Variants in ATG2B observed in about 807,000 individuals in gnomAD.
ATG2B encodes autophagy related 2B.
A neutral mutation model predicts 241.3 loss-of-function variants in ATG2B; 121 were observed. The ratio of observed to expected loss-of-function variants is 0.50; its 90% CI spans 0.43 to 0.58. The LOEUF (loss-of-function observed/expected upper bound fraction) is 0.58, where lower values mean the gene tolerates loss of function less well. Ranked by LOEUF, ATG2B falls within the 20% of genes least tolerant of loss-of-function variation. The pLI is 0.00. For missense variants in ATG2B, 2,306 were observed against 2,491.6 expected (o/e 0.93, Z 1.59); for synonymous variants, 858 against 876.6 (o/e 0.98, Z 0.37).
At chr14:96,292,829 T>A (rs573479456) in intron 36 of ATG2B, among the ~76,000 whole-genome samples, 37 of 152,346 alleles carry the variant, frequency 2.4e-4, no homozygotes, top group Non-Finnish European at 4.3e-4. Context: ...TTCCAGGGCC[T>A]TTATGGATAC....
chr14:96,314,862 A>G (rs1460072132), intron 23 of ATG2B, among the ~76,000 whole-genome samples: 1 of 152,130 alleles, frequency 6.6e-6, no homozygotes, highest in Non-Finnish European at 1.5e-5. Flanking sequence ...CACCACGCCC[A>G]GCTAATTTTT....
chr14:96,345,586 A>T (rs966137098), intron 2 of ATG2B, among the ~76,000 whole-genome samples: 1 of 152,202 alleles, frequency 6.6e-6, no homozygotes, highest in African/African-American at 2.4e-5. Flanking sequence ...GGAAAAAAAG[A>T]TCACAGAAAA....
Position 96,317,154 on chromosome 14 carries a change from T to G in ATG2B, c.3201A>C (p.Thr1067=). ...NINHGLIAVF[T]DVKQDNGDLL... is the part of the protein sequence containing the mutation. The stretch of plus-strand genomic sequence containing the variant: ...GATTTGTAAACCTCACCTTCACATC[T>G]GTGAACACTGCTATTAATCCATGAT... The change falls in exon 20 of 42, where the codon ACA becomes ACC. Residue 1067 remains threonine, a synonymous_variant. Coordinates refer to ENST00000359933, the MANE Select transcript of ATG2B (RefSeq NM_018036.7). 1 of 1,610,580 alleles carries G rather than the reference T, an allele frequency of 6.2e-7. No homozygotes were observed. Among genetic ancestry groups the G allele is most frequent in the Non-Finnish European group, 8.5e-7 (1 of 1,178,508 alleles).
At chr14:96,342,274 A>C (rs1888057167) in intron 5 of ATG2B, among the ~76,000 whole-genome samples, 2 of 152,162 alleles carry the variant, frequency 1.3e-5, no homozygotes, top group Admixed American at 1.3e-4. Context: ...CCAAAATCCA[A>C]AACTTTTTTG....
At chr14:96,358,098 T>C (rs1305311835) in intron 1 of ATG2B, among the ~76,000 whole-genome samples, 1 of 152,182 alleles carries the variant, frequency 6.6e-6, no homozygotes, top group Non-Finnish European at 1.5e-5. Flanking sequence ...TGAAATAAAG[T>C]TAAACCTCTA....
rs548632843 is a variant in ATG2B, at chr14:96,334,097, T to C, written c.1022-224A>G. On this transcript the variant is annotated intron_variant, in intron 7 of 41. Transcript: ENST00000359933. ...AGAAGCCATTGAAAATATTTTAAAA[T>C]GTGTACCACTTACTGTGTTCAAGAA... Among the ~76,000 whole-genome samples, 45 of 152,286 alleles carry C rather than the reference T, an allele frequency of 3.0e-4. No homozygotes were observed. The South Asian group carries it at 8.9e-3, about 30-fold the overall frequency.
intron 1 of ATG2B, among the ~76,000 whole-genome samples, chr14:96,348,855 T>G (rs932118532): frequency 1.3e-5 from 2 of 152,194 alleles, no homozygotes; most frequent in Admixed American, 6.5e-5. Context: ...ATTGTATGCC[T>G]GTGTCAAATA....
chr14:96,301,911 A>T lies in ATG2B; in HGVS notation c.5139+96T>A, dbSNP rs796900592. On this transcript the variant is annotated intron_variant, in intron 34 of 41. Transcript: ENST00000359933. ...AGTTTGCTTTATATATGTAACCGCC[A>T]TAAAAGTTCAATAATGATAAACATT... 6.1e-6 allele frequency: 6 copies of T among 986,170 alleles called. No homozygotes were observed. The African/African-American group carries it at 9.8e-5, about 16-fold the overall frequency. The allele number at this position is 986,170 out of a possible 1,614,324, so 61.1% of individuals were successfully genotyped here. A position where few individuals can be genotyped will look rare whatever the true frequency, so the allele number is the denominator to read the frequency against.
chr14:96,311,106 G>T lies in ATG2B; in HGVS notation c.4161+11C>A. The T allele has an allele frequency of 1.9e-6, 3 of 1,599,038 alleles. No homozygotes were observed. Among genetic ancestry groups the T allele is most frequent in the Non-Finnish European group, 2.6e-6 (3 of 1,171,232 alleles). On this transcript the variant is annotated intron_variant, in intron 28 of 41. Transcript: ENST00000359933. Reference sequence around the variant, plus strand: ...TGGCAGGGACTGGAGGAATCACATTGCTGACTGTACCTTAGACCTTCTTTG... The same window carrying T: ...TGGCAGGGACTGGAGGAATCACATTTCTGACTGTACCTTAGACCTTCTTTG...
At chr14:96,325,107 G>A (rs1314058316) in intron 15 of ATG2B, among the ~76,000 whole-genome samples, 1 of 152,196 alleles carries the variant, frequency 6.6e-6, no homozygotes, top group Non-Finnish European at 1.5e-5. Context: ...ATTAGTTAGT[G>A]TAATGGTTGA....
intron 1 of ATG2B, among the ~76,000 whole-genome samples, chr14:96,349,799 GCTGGAGCTTC>G (rs1172218727): frequency 6.6e-6 from 1 of 152,170 alleles, no homozygotes; most frequent in Non-Finnish European, 1.5e-5. Context: ...TAAGGAGGAA[GCTGGAGCTTC>G]CTCCAGCTAG....
intron 41 of ATG2B, 81 bp from the exon 42 acceptor site, chr14:96,286,066 C>T (rs1886329011): frequency 4.7e-6 from 5 of 1,071,664 alleles, no homozygotes; most frequent in Admixed American, 2.2e-5. Context: ...TCCTGCAGTA[C>T]ACACTTTTAA....
chr14:96,320,557 T>C lies in ATG2B; in HGVS notation c.2879+1555A>G, dbSNP rs759577904. ...AGGAAAGGGGGAAAAAAAGACAACA[T>C]AGAATTCCAATCAGTGGCTCATATT... On this transcript the variant is annotated intron_variant, in intron 18 of 41. Transcript: ENST00000359933. Among the ~76,000 whole-genome samples the C allele has an allele frequency of 3.4e-4, 51 of 151,900 alleles. 1 individual carries two copies. Among genetic ancestry groups the C allele is most frequent in the East Asian group, 1.9e-4 (1 of 5,190 alleles).
Position 96,317,315 on chromosome 14 carries a change from C to T in ATG2B, c.3040G>A (p.Glu1014Lys). 1.9e-6 allele frequency: 3 copies of T among 1,606,660 alleles called. No individual in the cohort carries two copies. Among genetic ancestry groups the T allele is most frequent in the East Asian group, 2.2e-5 (1 of 44,762 alleles). The stretch of plus-strand genomic sequence containing the variant: ...GTCTCCTCCTCAGATCCACTTTCCT[C>T]ATCTATGAGAAATAAACATACAATT... ...SAFKSAVHYD[E>K]ESGSEEETLQ... The change falls in exon 20 of 42, where the codon GAG becomes AAG. Residue 1014 changes from glutamate (E) to lysine (K), a missense_variant and splice_region_variant. By Grantham distance (56) the Glu-to-Lys change is moderately conservative. Transcript: ENST00000359933.
chr14:96,325,880 G>A lies in ATG2B; in HGVS notation c.2206C>T (p.Pro736Ser). The change falls in exon 15 of 42, where the codon CCT becomes TCT. Residue 736 changes from proline to serine, a missense_variant. Around this residue, in one of 2 missense-constraint regions of ATG2B, gnomAD observed 1,927 missense variants for 2,011.2 expected, o/e 0.96. Transcript: ENST00000359933. ...TEVFLDDSHSPANCRISVQVA... is the reference protein window; with the variant it reads ...TEVFLDDSHSSANCRISVQVA... ...TGTACTGATATCCGACAATTTGCAG[G>A]ACTATGTGAATCATCTAGAAACACT... 6.2e-7 allele frequency: 1 copy of A among 1,613,890 alleles called. No homozygotes were observed. Among genetic ancestry groups the A allele is most frequent in the South Asian group, 1.1e-5 (1 of 91,058 alleles).
intron 19 of ATG2B, 125 bp from the exon 20 acceptor site, chr14:96,317,442 A>T (rs1887345467): frequency 1.2e-6 from 1 of 854,204 alleles, no homozygotes; most frequent in Non-Finnish European, 1.8e-6. Flanking sequence ...ACACAGAAAT[A>T]CATACTGTTT....
chr14:96,293,369 A>T (rs1307368759), intron 36 of ATG2B, among the ~76,000 whole-genome samples: 1 of 151,970 alleles, frequency 6.6e-6, no homozygotes, highest in African/African-American at 2.4e-5. Context: ...TCCATGGCAC[A>T]TATTAATAGG....
chr14:96,334,641 T>G, intron 6 of ATG2B, 140 bp from the exon 7 acceptor site: 1 of 504,564 alleles, frequency 2.0e-6, no homozygotes, highest in Non-Finnish European at 3.5e-6. Context: ...TCTCTACTAA[T>G]TCACACCATC....
At chr14:96,330,546 T>G (rs1326676912) in intron 11 of ATG2B, among the ~76,000 whole-genome samples, 1 of 151,522 alleles carries the variant, frequency 6.6e-6, no homozygotes, top group Non-Finnish European at 1.5e-5. Context: ...GGTGGATCAC[T>G]GGAGGGCAGG....
Sources: allele counts gnomAD v4.1 joint callset (sites outside exome capture counted in the v4.1 genomes callset), GRCh38; gene constraint gnomAD v4.1.1; regional missense constraint gnomAD v4.1.1; transcripts MANE v1.5; gene names NCBI Gene and HGNC (gene_info 2026-07-23, HGNC 2026-07-21).